Variants in PCNX1 observed in about 807,000 individuals in gnomAD.
PCNX1 encodes pecanex 1.
In PCNX1, 78 loss-of-function variants were observed where a neutral mutation model predicts 242.2. The ratio of observed to expected loss-of-function variants is 0.32; its 90% confidence interval spans 0.27 to 0.39. The LOEUF (loss-of-function observed/expected upper bound fraction) is 0.39, where lower values mean the gene tolerates loss of function less well. Ranked by LOEUF, PCNX1 falls within the 10% of genes least tolerant of loss-of-function variation. PCNX1 has a pLI of 1.00. For synonymous variants in PCNX1, 1,024 were observed against 1,032.9 expected (o/e 0.99, Z 0.17); for missense variants, 2,581 against 2,856.5 (o/e 0.90, Z 2.20).
At chr14:70,918,515 GA>G (rs1216578819) in intron 1 of PCNX1, among the ~76,000 whole-genome samples, 4 of 152,146 alleles carry the variant, frequency 2.6e-5, no homozygotes, top group Non-Finnish European at 5.9e-5. Flanking sequence ...ATATAGTAAA[GA>G]AAAAGTATGA....
intron 6 of PCNX1, among the ~76,000 whole-genome samples, chr14:70,986,497 A>G (rs1175490857): frequency 6.6e-6 from 1 of 152,208 alleles, no homozygotes; most frequent in Non-Finnish European, 1.5e-5. Flanking sequence ...CTAAAAGTGG[A>G]CACTGTAGTT....
At chr14:70,974,241 G>T (rs61466284) in intron 5 of PCNX1, among the ~76,000 whole-genome samples, 1,620 of 132,952 alleles carry the variant, frequency 0.012, 32 homozygotes, top group African/African-American at 0.04. Flanking sequence ...GGTTTTTTTT[G>T]TTGTTTTTTT....
At chr14:71,016,666 A>G (rs530716810) in intron 11 of PCNX1, among the ~76,000 whole-genome samples, 2 of 152,208 alleles carry the variant, frequency 1.3e-5, no homozygotes, top group Non-Finnish European at 2.9e-5. Flanking sequence ...AGAAATTAGT[A>G]TTTTGGGCTA....
At chr14:71,077,201 G>C (rs1209040158) in intron 28 of PCNX1, among the ~76,000 whole-genome samples, 1 of 152,110 alleles carries the variant, frequency 6.6e-6, no homozygotes, top group Non-Finnish European at 1.5e-5. Context: ...AGCAACTACA[G>C]CTTTCTTCTA....
In PCNX1 at chr14:70,977,552, C is replaced by G. The variant is rs374155298; in HGVS notation, c.1215C>G (p.Thr405=). 5.6e-6 allele frequency: 9 copies of G among 1,614,018 alleles called. No homozygotes were observed. Among genetic ancestry groups the G allele is most frequent in the South Asian group, 4.4e-5 (4 of 91,088 alleles). ...TCAGCAGCTATAAAAGTGAGCAGAC[C>G]AGCTCAACTCACATAGAGAGCATCC... ...STVSSYKSEQ[T]SSTHIESILS... is the part of the protein sequence containing the mutation. Residue 405 remains threonine, a synonymous_variant, in exon 6 of 36, where the codon ACC becomes ACG. Coordinates refer to ENST00000304743, the MANE Select transcript of PCNX1 (RefSeq NM_014982.3).
In PCNX1 at chr14:70,967,735, G is replaced by A. The variant is rs547299609; in HGVS notation, c.469-463G>A. On this transcript the variant is annotated intron_variant, in intron 3 of 35. Transcript: ENST00000304743. ...GTACATAATGATACACTTACAATTCGATGGTTAGACTTATGCTGCACTTTG... is the reference window on the plus strand; with the variant it reads ...GTACATAATGATACACTTACAATTCAATGGTTAGACTTATGCTGCACTTTG... 2.6e-5 allele frequency among the ~76,000 whole-genome samples: 4 copies of A among 152,240 alleles called. No individual in the cohort carries two copies. The East Asian group carries it at 7.7e-4, about 29-fold the overall frequency.
At chr14:71,064,550 A>G (rs1363876821) in intron 26 of PCNX1, among the ~76,000 whole-genome samples, 2 of 152,202 alleles carry the variant, frequency 1.3e-5, no homozygotes, top group Non-Finnish European at 2.9e-5. Context: ...ATCTTTGATA[A>G]ACTTCCTGGA....
intron 8 of PCNX1, among the ~76,000 whole-genome samples, chr14:70,999,406 T>C (rs2059441092): frequency 6.6e-6 from 1 of 152,192 alleles, no homozygotes. Flanking sequence ...GAAGCTATTA[T>C]TTTGTCTTTA....
At chr14:71,067,843 C>T (rs61990416) in intron 26 of PCNX1, among the ~76,000 whole-genome samples, 2 of 151,816 alleles carry the variant, frequency 1.3e-5, no homozygotes, top group Admixed American at 1.3e-4. Context: ...TTATATATTT[C>T]TGCCTTCATT....
chr14:70,954,578 A>G (rs1031851998), intron 2 of PCNX1, among the ~76,000 whole-genome samples: 1 of 152,160 alleles, frequency 6.6e-6, no homozygotes, highest in African/African-American at 2.4e-5. Context: ...TTCTCCATTA[A>G]AAGGAAATTT....
rs942333689 is a variant in PCNX1, at chr14:71,006,137, G to C, written c.2630-3497G>C. 2.5e-4 allele frequency among the ~76,000 whole-genome samples: 27 copies of C among 108,154 alleles called. 1 individual carries two copies. Among genetic ancestry groups the C allele is most frequent in the Admixed American group, 4.2e-4 (4 of 9,494 alleles). 71.0% of individuals were successfully genotyped at this position (108,154 alleles called of 152,430 possible). ...TGTGTGTGTGTGTGTGTGTGTGTGT[G>C]TGTGTGTGTGTGTGTGTGTGTGTGT... is the stretch of plus-strand genomic sequence containing the variant. On this transcript the variant is annotated intron_variant, in intron 8 of 35. Transcript: ENST00000304743.
At chr14:70,949,946 ATAATC>A (rs1312952784) in intron 2 of PCNX1, among the ~76,000 whole-genome samples, 2 of 152,348 alleles carry the variant, frequency 1.3e-5, no homozygotes, top group East Asian at 3.9e-4. Context: ...GAAAGATCAA[ATAATC>A]TAAGCAGTTG....
At chr14:70,971,115 G>GTTTTTTTTTTTTTTTTTTT (rs1046870052) in intron 5 of PCNX1, among the ~76,000 whole-genome samples, 1 of 14,518 alleles carries the variant, frequency 6.9e-5, no homozygotes, top group African/African-American at 2.9e-4. Flanking sequence ...ACTTTATATA[G>GTTTTTTTTTTTTTTTTTTT]TTTTTTTTTT....
At chr14:71,068,493 CATATATATGT>C (rs1204510806) in intron 26 of PCNX1, among the ~76,000 whole-genome samples, 3 of 148,448 alleles carry the variant, frequency 2.0e-5, no homozygotes, top group Non-Finnish European at 4.5e-5. Context: ...TACACACACA[CATATATATGT>C]ATATATATGT....
intron 30 of PCNX1, among the ~76,000 whole-genome samples, chr14:71,091,523 T>G (rs2062129869): frequency 6.6e-6 from 1 of 152,180 alleles, no homozygotes; most frequent in African/African-American, 2.4e-5. Context: ...TTTGGAAATT[T>G]GCAACAATTT....
intron 4 of PCNX1, 74 bp downstream of exon 4, chr14:70,968,317 G>T: frequency 1.2e-6 from 1 of 829,816 alleles, no homozygotes; most frequent in Non-Finnish European, 1.9e-6. Flanking sequence ...TAACAGTACT[G>T]TACATTCAAA....
At position 71,112,611 on chromosome 14, in the gene PCNX1, C is replaced by T. The variant is rs1344824767; in HGVS notation, c.*2676C>T. 1 of 151,976 alleles carries T rather than the reference C, an allele frequency of 6.6e-6. No individual in the cohort carries two copies. Among genetic ancestry groups the T allele is most frequent in the Non-Finnish European group, 1.5e-5 (1 of 67,932 alleles). The allele number at this position is 151,976 out of a possible 1,614,324, so 9.4% of individuals were successfully genotyped here. On this transcript the variant is annotated 3_prime_UTR_variant, in exon 36 of 36. Coordinates refer to ENST00000304743, the MANE Select transcript of PCNX1 (RefSeq NM_014982.3). ...GTGTTAACTAAATTGATCATAAATTCTTGTTCCTGCCTCACCCCTCACCCC... is the reference window on the plus strand; with the variant it reads ...GTGTTAACTAAATTGATCATAAATTTTTGTTCCTGCCTCACCCCTCACCCC...
rs1280138499 is a variant in PCNX1 at position 71,111,997 on chromosome 14, G to A, written c.*2062G>A. 6.6e-6 allele frequency: 1 copy of A among 152,442 alleles called. No individual in the cohort carries two copies. Among genetic ancestry groups the A allele is most frequent in the Non-Finnish European group, 1.5e-5 (1 of 67,934 alleles). The allele number at this position is 152,442 out of a possible 1,614,324, so 9.4% of individuals were successfully genotyped here. On this transcript the variant is annotated 3_prime_UTR_variant, in exon 36 of 36. Coordinates refer to ENST00000304743, the MANE Select transcript of PCNX1 (RefSeq NM_014982.3). ...TTTTGGAGGGTTTTTTTCTGAAACT[G>A]AATTTATAATCTATTTCTCTGTATA...
rs374933370 is a variant in PCNX1, at chr14:70,978,145, G to A, written c.1808G>A (p.Ser603Asn). The change falls in exon 6 of 36, where the codon AGT becomes AAT. Residue 603 changes from serine to asparagine, a missense_variant. By Grantham distance (46) the Ser-to-Asn change is conservative. Coordinates refer to ENST00000304743, the MANE Select transcript of PCNX1 (RefSeq NM_014982.3). The part of the protein sequence containing the change: ...SAIFCHDEDS[S>N]DQSDLSRASS... ...ATATTTTGTCATGACGAAGACTCTA[G>A]TGATCAGAGTGACTTGAGTAGAGCA... 2 of 1,614,032 alleles carry A rather than the reference G, an allele frequency of 1.2e-6. No individual in the cohort carries two copies. Among genetic ancestry groups the A allele is most frequent in the Non-Finnish European group, 8.5e-7 (1 of 1,180,038 alleles).
Sources: allele counts gnomAD v4.1 joint callset (sites outside exome capture counted in the v4.1 genomes callset), GRCh38; gene constraint gnomAD v4.1.1; transcripts MANE v1.5; gene names NCBI Gene and HGNC (gene_info 2026-07-23, HGNC 2026-07-21).